MYH3: variants seen among roughly 807,000 people sequenced by gnomAD.
MYH3 encodes the protein myosin heavy chain 3, also known as myosin-3.
Under a neutral mutation model 238.0 loss-of-function variants are expected in MYH3, and 130 were observed. The ratio of observed to expected loss-of-function variants is 0.55; its 90% CI spans 0.47 to 0.63. MYH3 has a LOEUF of 0.63. Ranked by LOEUF, MYH3 falls within the 30% of genes least tolerant of loss-of-function variation. MYH3 has a pLI of 0.00. For missense variants in MYH3, 1,853 were observed against 2,374.9 expected (o/e 0.78, Z 4.57); for synonymous variants, 880 against 924.1 (o/e 0.95, Z 0.86).
intron 7 of MYH3, 100 bp from the exon 8 acceptor site, chr17:10,648,749 T>C (rs890596584): frequency 4.1e-5 from 41 of 993,340 alleles, no homozygotes; most frequent in Non-Finnish European, 6.4e-5. Context: ...GATCTTGGCT[T>C]ACTGCAACCT....
At position 10,640,241 on chromosome 17, in the gene MYH3, AG is replaced by A. The variant is rs771975165; in HGVS notation, c.2436del (p.Phe813SerfsTer11). On this transcript the variant is annotated frameshift_variant, in exon 22 of 41. Transcript: ENST00000583535. LOFTEE classifies it high-confidence loss of function. Reference sequence around the variant, plus strand: ...GAGCGAATGTTGTACTGGATGCAGAAGATGGACTCCCTAAAAACAAGACATT... The same window carrying A: ...GAGCGAATGTTGTACTGGATGCAGAAATGGACTCCCTAAAAACAAGACATT... ...FQKMVQRRESIFCIQYNIRSF... is the reference protein window; with the variant it reads ...FQKMVQRRESXFCIQYNIRSF... The A allele has an allele frequency of 6.2e-7, 1 of 1,614,238 alleles. No homozygotes were observed.
the MYH3 span, among the ~76,000 whole-genome samples, chr17:10,662,446 CTCTT>C: frequency 1.9e-3 from 293 of 152,358 alleles, no homozygotes; most frequent in African/African-American, 6.9e-3. Context: ...TCTCTCCCTT[CTCTT>C]TCTTTCTCTG....
In MYH3 at chr17:10,652,609, CTTTTTTTTTTTTT is replaced by C. The variant is rs149916956; in HGVS notation, c.205-59_205-47del. The C allele has an allele frequency of 8.4e-5, 36 of 427,918 alleles. 1 individual carries two copies. Among genetic ancestry groups the C allele is most frequent in the Middle Eastern group, 7.4e-4 (1 of 1,354 alleles). 26.5% of individuals were successfully genotyped at this position (427,918 alleles called of 1,614,324 possible). A position where few individuals can be genotyped will look rare whatever the true frequency, so the allele number is the denominator to read the frequency against. ...TGCTTCACTAAGATGGTCTGCACGT[CTTTTTTTTTTTTT>C]TTTTTTTTTTTTTTTTTGAGACGGA... is the stretch of plus-strand genomic sequence containing the variant. On this transcript the variant is annotated intron_variant, in intron 3 of 40. Coordinates refer to ENST00000583535, the MANE Select transcript of MYH3 (RefSeq NM_002470.4).
chr17:10,630,455 C>T lies in MYH3; in HGVS notation c.5290G>A (p.Ala1764Thr), dbSNP rs1157280212. 4 of 1,614,222 alleles carry T rather than the reference C, an allele frequency of 2.5e-6. No individual in the cohort carries two copies. In the Admixed American group the frequency reaches 5.0e-5, roughly 20 times the overall value. The part of the protein sequence containing the change: ...EKAKKAITDA[A>T]MMAEELKKEQ... ...TTCTTCAGCTCCTCCGCCATCATGG[C>T]AGCCTGAAAAGCACATGGGACTTGC... Residue 1764 changes from alanine to threonine, a missense_variant, in exon 37 of 41, where the codon GCC (alanine) becomes ACC (threonine). By Grantham distance (58) the Ala-to-Thr change is moderately conservative. Around this residue, in one of 3 missense-constraint regions of MYH3, gnomAD observed 1,044 missense variants for 1,192.6 expected, o/e 0.88. Coordinates refer to ENST00000583535, the MANE Select transcript of MYH3 (RefSeq NM_002470.4).
Position 10,638,085 on chromosome 17 carries a change from G to A in MYH3, c.3687C>T (p.Ile1229=), listed in dbSNP as rs778389007. The change falls in exon 27 of 41, where the codon ATC becomes ATT. Residue 1229 remains isoleucine, a synonymous_variant. Coordinates refer to ENST00000583535, the MANE Select transcript of MYH3 (RefSeq NM_002470.4). ...TCTCCATGCTGCTGGAGAGGTCATC[G>A]ATCTCCAGCTTGAACTCGCTCTTCT... ...EKEKSEFKLE[I]DDLSSSMESV... The A allele has an allele frequency of 1.9e-5, 30 of 1,613,520 alleles. 1 individual carries two copies. The highest frequency in any genetic ancestry group is 1.7e-5 in the Admixed American group (1 of 59,930).
the MYH3 span, among the ~76,000 whole-genome samples, chr17:10,672,154 T>C: frequency 4.6e-5 from 7 of 152,316 alleles, no homozygotes; most frequent in Middle Eastern, 3.4e-3. Context: ...CATGTTCATT[T>C]TAAAGGAGGA....
At chr17:10,652,336 A>G in intron 4 of MYH3, 84 bp downstream of exon 4, 1 of 1,520,464 alleles carries the variant, frequency 6.6e-7, no homozygotes, top group Non-Finnish European at 9.1e-7. Context: ...CCAGAATCCC[A>G]CGGCCCACAC....
rs2074235482 is a variant in MYH3, at chr17:10,638,280, G to T, written c.3492C>A (p.Leu1164=). The T allele has an allele frequency of 1.2e-6, 2 of 1,613,570 alleles. No homozygotes were observed. The highest frequency in any genetic ancestry group is 1.3e-5 in the African/African-American group (1 of 74,868). Residue 1164 remains leucine (L), a synonymous_variant, in exon 27 of 41, where the codon CTC becomes CTA. Transcript: ENST00000583535. ...GGAACTCCGCCTCCCGCTTCTTGTT[G>T]AGCTCTATCTGCGTGGAGGTGACGC... ...AGGVTSTQIE[L]NKKREAEFLK... is the part of the protein sequence containing the mutation.
At chr17:10,671,879 G>A in the MYH3 span, among the ~76,000 whole-genome samples, 1 of 151,924 alleles carries the variant, frequency 6.6e-6, no homozygotes, top group South Asian at 2.1e-4. Flanking sequence ...GTAATCCCAG[G>A]GTGGGAACAC....
intron 36 of MYH3, 134 bp downstream of exon 36, chr17:10,631,477 C>A (rs980637325): frequency 1.5e-6 from 2 of 1,302,866 alleles, no homozygotes; most frequent in East Asian, 4.9e-5. Flanking sequence ...GGAGTTTGAG[C>A]GGAGATGGGA....
At chr17:10,645,612 T>C (rs2074313576) in intron 12 of MYH3, 95 bp downstream of exon 12, 1 of 1,497,316 alleles carries the variant, frequency 6.7e-7, no homozygotes, top group Non-Finnish European at 9.2e-7. Flanking sequence ...TGTGAGCCAC[T>C]GTGCCTGGCT....
At chr17:10,631,584 G>A (rs1030580564) in intron 36 of MYH3, 27 bp downstream of exon 36, 7 of 1,614,100 alleles carry the variant, frequency 4.3e-6, no homozygotes, top group Middle Eastern at 1.7e-4. Flanking sequence ...CCGGCAGCCC[G>A]AGGGCAGCAG....
intron 7 of MYH3, among the ~76,000 whole-genome samples, chr17:10,649,040 C>G (rs1222798436): frequency 1.3e-5 from 2 of 152,186 alleles, no homozygotes; most frequent in Admixed American, 1.3e-4. Context: ...GTGACTCTGG[C>G]TTGCCCTGAT....
intron 26 of MYH3, 117 bp from the exon 27 acceptor site, chr17:10,638,549 A>G (rs1000790077): frequency 4.5e-6 from 6 of 1,348,084 alleles, no homozygotes; most frequent in South Asian, 2.5e-5. Context: ...CTCCCCTCCA[A>G]TGAATACTGC....
chr17:10,654,808 A>G lies in MYH3; in HGVS notation c.204+53T>C. The stretch of plus-strand genomic sequence containing the variant: ...GTTGGGCAGATGCATACCCCAGGCA[A>G]GCACAAGGACCAGGTGGAGGGCCAG... On this transcript the variant is annotated intron_variant, in intron 3 of 40. Coordinates refer to ENST00000583535, the MANE Select transcript of MYH3 (RefSeq NM_002470.4). The surrounding 1 kb of genome is among the most constrained non-coding windows in gnomAD (Gnocchi z 4.5). 6.4e-7 allele frequency: 1 copy of G among 1,559,942 alleles called. No homozygotes were observed. Among genetic ancestry groups the G allele is most frequent in the Non-Finnish European group, 8.8e-7 (1 of 1,130,610 alleles).
rs755803936 is a variant in MYH3 at position 10,631,842 on chromosome 17, T to G, written c.5131A>C (p.Asn1711His). Residue 1711 changes from asparagine to histidine, a missense_variant, in exon 35 of 41, where the codon AAC (asparagine) becomes CAC (histidine). Physicochemically the swap from Asn to His is moderately conservative, Grantham distance 68. Transcript: ENST00000583535. ...KLAEQELLDS[N>H]ERVQLLHTQN... The stretch of plus-strand genomic sequence containing the variant: ...GTATGCAGCAGCTGCACCCTCTCGT[T>G]GGAGTCCAGGAGCTCCTGTTCCGCC... The G allele has an allele frequency of 1.2e-6, 2 of 1,614,162 alleles. No individual in the cohort carries two copies. Among genetic ancestry groups the G allele is most frequent in the Non-Finnish European group, 1.7e-6 (2 of 1,180,020 alleles).
At position 10,634,165 on chromosome 17, in the gene MYH3, C is replaced by T. The variant is rs769593367; in HGVS notation, c.4374G>A (p.Lys1458=). The change falls in exon 32 of 41, where the codon AAG becomes AAA. Residue 1458 remains lysine (K), a synonymous_variant. Coordinates refer to ENST00000583535, the MANE Select transcript of MYH3 (RefSeq NM_002470.4). Reference sequence around the variant, plus strand: ...CTGCTTGGCTCTCCTCACACTTTGTCTTCCACTCTGCCAACACCTGAAACA... The same window carrying T: ...CTGCTTGGCTCTCCTCACACTTTGTTTTCCACTCTGCCAACACCTGAAACA... ...RNFDKVLAEW[K]TKCEESQAEL... 3.1e-6 allele frequency: 5 copies of T among 1,614,238 alleles called. No homozygotes were observed. The South Asian group carries it at 5.5e-5, about 18-fold the overall frequency.
Position 10,654,854 on chromosome 17 carries a change from G to C in MYH3, c.204+7C>G. On this transcript the variant is annotated splice_region_variant and intron_variant, in intron 3 of 40. Transcript: ENST00000583535. The surrounding 1 kb of genome is among the most constrained non-coding windows in gnomAD (Gnocchi z 4.5). Reference sequence around the variant, plus strand: ...GCCAGCAGCCTGTGGAGGGTACAGAGCCTTACCCTGTTGTCCTCAGTTTCC... The same window carrying C: ...GCCAGCAGCCTGTGGAGGGTACAGACCCTTACCCTGTTGTCCTCAGTTTCC... 6.2e-7 allele frequency: 1 copy of C among 1,613,172 alleles called. No individual in the cohort carries two copies. The highest frequency in any genetic ancestry group is 8.5e-7 in the Non-Finnish European group (1 of 1,179,160).
upstream of MYH3, among the ~76,000 whole-genome samples, chr17:10,660,251 G>A (rs1356856330): frequency 6.6e-6 from 1 of 152,250 alleles, no homozygotes. Context: ...TTTGCCAGGT[G>A]TAAGTTTTCT....
Sources: allele counts gnomAD v4.1 joint callset (sites outside exome capture counted in the v4.1 genomes callset), GRCh38; gene constraint gnomAD v4.1.1; regional missense constraint gnomAD v4.1.1; non-coding constraint Gnocchi (gnomAD v3.1); transcripts MANE v1.5; gene names NCBI Gene and HGNC (gene_info 2026-07-23, HGNC 2026-07-21).